The following SYN3 variants were observed in gnomAD, a reference collection of about 807,000 sequenced individuals.
The protein encoded by SYN3 is synapsin-3.
SYN3 carries 35 observed loss-of-function variants against 65.8 expected under a neutral mutation model. The ratio of observed to expected loss-of-function variants is 0.53; its 90% CI spans 0.41 to 0.70. SYN3 has a LOEUF of 0.70. Among genes scored for constraint, SYN3 ranks in the 30% least tolerant of loss-of-function variants. The pLI is 0.00. For synonymous variants in SYN3, 270 were observed against 292.9 expected (o/e 0.92, Z 0.80); for missense variants, 680 against 749.0 (o/e 0.91, Z 1.08).
At chr22:32,885,047 A>T (rs561445026) in intron 4 of SYN3, among the ~76,000 whole-genome samples, 1 of 152,166 alleles carries the variant, frequency 6.6e-6, no homozygotes, top group Non-Finnish European at 1.5e-5. Context: ...TCCGAGAATG[A>T]AACTAATCTT....
Position 32,597,204 on chromosome 22 carries a change from C to CTTTTTTTTTTTTT in SYN3, c.712-481_712-469dup, listed in dbSNP as rs6147592. On this transcript the variant is annotated intron_variant, in intron 6 of 13. Coordinates refer to ENST00000358763, the MANE Select transcript of SYN3 (RefSeq NM_003490.4). ...GCATACTCCTGTCTTACATTATTCT[C>CTTTTTTTTTTTTT]TTTTTTTTTTTTTTTTTTTTTTTTT... Among the ~76,000 whole-genome samples the CTTTTTTTTTTTTT allele has an allele frequency of 2.3e-5, 2 of 87,372 alleles. 1 individual carries two copies. The highest frequency in any genetic ancestry group is 4.4e-5 in the Non-Finnish European group (2 of 45,828). 57.3% of individuals were successfully genotyped at this position (87,372 alleles called of 152,430 possible).
At chr22:32,942,593 G>A (rs2050973985) in intron 3 of SYN3, among the ~76,000 whole-genome samples, 1 of 152,258 alleles carries the variant, frequency 6.6e-6, no homozygotes, top group South Asian at 2.1e-4. Context: ...AAAGCTGGAT[G>A]GAGAATGACT....
rs572309558 is a variant in SYN3 at position 32,639,245 on chromosome 22, G to T, written c.712-42509C>A. 2.6e-5 allele frequency among the ~76,000 whole-genome samples: 4 copies of T among 152,236 alleles called. No homozygotes were observed. The East Asian group carries it at 7.7e-4, about 29-fold the overall frequency. Reference sequence around the variant, plus strand: ...TGGGATTACAGGCATGAGCCACCACGCCTGGCCCATTTTGGTTAATTTTTT... The same window carrying T: ...TGGGATTACAGGCATGAGCCACCACTCCTGGCCCATTTTGGTTAATTTTTT... On this transcript the variant is annotated intron_variant, in intron 6 of 13. Transcript: ENST00000358763.
At chr22:32,600,757 G>A (rs1972039387) in intron 6 of SYN3, among the ~76,000 whole-genome samples, 2 of 151,648 alleles carry the variant, frequency 1.3e-5, no homozygotes, top group African/African-American at 4.9e-5. Flanking sequence ...GCACAATCTC[G>A]GCTCACTGCA....
intron 4 of SYN3, among the ~76,000 whole-genome samples, chr22:32,898,406 T>A (rs1201984759): frequency 6.6e-6 from 1 of 152,188 alleles, no homozygotes; most frequent in African/African-American, 2.4e-5. Flanking sequence ...GGGGGATGAT[T>A]ACATGTGCCC....
chr22:32,707,853 T>G (rs893168966), intron 6 of SYN3, among the ~76,000 whole-genome samples: 5 of 152,208 alleles, frequency 3.3e-5, no homozygotes, highest in Admixed American at 6.5e-5. Flanking sequence ...GGCTGTTCAC[T>G]TCACCTGCCT....
intron 4 of SYN3, among the ~76,000 whole-genome samples, chr22:32,929,158 T>G (rs1412917265): frequency 1.3e-5 from 2 of 152,142 alleles, no homozygotes. Flanking sequence ...GGTGCATGTC[T>G]GTAATCCCAG....
intron 6 of SYN3, among the ~76,000 whole-genome samples, chr22:32,818,944 T>G (rs1236744511): frequency 6.6e-6 from 1 of 152,168 alleles, no homozygotes; most frequent in Non-Finnish European, 1.5e-5. Context: ...CAGCTACTCC[T>G]CGCCCCCTCC....
rs1441969782 is a variant in SYN3 at position 32,668,922 on chromosome 22, A to T, written c.712-72186T>A. Reference sequence around the variant, plus strand: ...TTCTAGGAGCCACATGATTTCACAAACTCACCCTTGCATTTGCTACATTCT... The same window carrying T: ...TTCTAGGAGCCACATGATTTCACAATCTCACCCTTGCATTTGCTACATTCT... On this transcript the variant is annotated intron_variant, in intron 6 of 13. Coordinates refer to ENST00000358763, the MANE Select transcript of SYN3 (RefSeq NM_003490.4). Among the ~76,000 whole-genome samples, 4 of 152,076 alleles carry T rather than the reference A, an allele frequency of 2.6e-5. No individual in the cohort carries two copies. In the East Asian group the frequency reaches 7.7e-4, roughly 29 times the overall value.
intron 4 of SYN3, among the ~76,000 whole-genome samples, chr22:32,893,078 A>G (rs2049496613): frequency 6.6e-6 from 1 of 152,168 alleles, no homozygotes; most frequent in African/African-American, 2.4e-5. Flanking sequence ...ACATGGTAGA[A>G]TAGAAAGAAT....
intron 1 of SYN3, among the ~76,000 whole-genome samples, chr22:33,029,002 A>G (rs59697139): frequency 0.048 from 7,272 of 151,752 alleles, 444 homozygotes; most frequent in African/African-American, 0.14. Context: ...ATCCCGCCAC[A>G]GCACTACAGC....
intron 6 of SYN3, among the ~76,000 whole-genome samples, chr22:32,676,637 C>T (rs1196557558): frequency 1.4e-5 from 2 of 145,456 alleles, no homozygotes; most frequent in African/African-American, 5.1e-5. Flanking sequence ...CCTGGGTTCA[C>T]GCCATTCTCC....
At chr22:32,533,309 T>C (rs2058108398) in intron 10 of SYN3, among the ~76,000 whole-genome samples, 2 of 152,144 alleles carry the variant, frequency 1.3e-5, no homozygotes, top group South Asian at 2.1e-4. Flanking sequence ...CCTGCCAGCC[T>C]GCACACCCCA....
intron 6 of SYN3, among the ~76,000 whole-genome samples, chr22:32,704,371 T>A (rs573046012): frequency 8.3e-4 from 126 of 152,324 alleles, no homozygotes; most frequent in Non-Finnish European, 1.6e-3. Flanking sequence ...TCCAGCTCCA[T>A]CCATGTTCCT....
intron 7 of SYN3, among the ~76,000 whole-genome samples, chr22:32,575,958 G>A (rs2058845037): frequency 6.6e-6 from 1 of 152,146 alleles, no homozygotes; most frequent in Non-Finnish European, 1.5e-5. Context: ...GAACAGAACA[G>A]ATGTGAGTAC....
chr22:32,882,646 T>G (rs2146426380), intron 4 of SYN3, among the ~76,000 whole-genome samples: 1 of 152,242 alleles, frequency 6.6e-6, no homozygotes, highest in Admixed American at 6.5e-5. Context: ...GCGGGTGTCT[T>G]AACCACCTTA....
At chr22:32,642,296 A>G (rs1270236798) in intron 6 of SYN3, among the ~76,000 whole-genome samples, 1 of 151,884 alleles carries the variant, frequency 6.6e-6, no homozygotes, top group African/African-American at 2.4e-5. Context: ...TTTAAAAAAA[A>G]TAATAATAAT....
intron 4 of SYN3, among the ~76,000 whole-genome samples, chr22:32,921,018 C>A (rs1210934458): frequency 6.6e-6 from 1 of 152,138 alleles, no homozygotes; most frequent in East Asian, 1.9e-4. Context: ...CCTTTTGTCC[C>A]TTCACCCCTA....
chr22:32,744,899 A>G (rs543669548), intron 6 of SYN3, among the ~76,000 whole-genome samples: 27 of 152,286 alleles, frequency 1.8e-4, no homozygotes, highest in African/African-American at 5.1e-4. Flanking sequence ...AGAGTGGGAG[A>G]GCCGGGGAGT....
Sources: gnomAD v4.1 joint callset for allele counts (sites outside exome capture counted in the v4.1 genomes callset) on GRCh38, gnomAD v4.1.1 for gene constraint, MANE v1.5 for transcripts, NCBI Gene and HGNC (gene_info 2026-07-23, HGNC 2026-07-21) for gene names.